MTUS2: variants seen among roughly 807,000 people sequenced by gnomAD.
MTUS2 encodes microtubule associated scaffold protein 2.
A neutral mutation model predicts 114.1 loss-of-function variants in MTUS2; 40 were observed. The ratio of observed to expected loss-of-function variants is 0.35; its 90% confidence interval spans 0.27 to 0.46. The LOEUF (loss-of-function observed/expected upper bound fraction) is 0.46, where lower values mean the gene tolerates loss of function less well. Among genes scored for constraint, MTUS2 ranks in the 20% least tolerant of loss-of-function variants. The pLI, the probability that MTUS2 is intolerant of heterozygous loss-of-function variation, is 1.00. For missense variants in MTUS2, 1,679 were observed against 1,705.4 expected, an observed-to-expected ratio of 0.98 and a Z score of 0.27; for synonymous variants, 688 against 672.0, an observed-to-expected ratio of 1.02 and a Z score of -0.37.
rs1883199811 is a variant in MTUS2, at chr13:29,505,774, C to T, written c.*2568C>T. ...GCCCCCCGACCGCCGCCCCTGCCCACCACATGCTGGGACAAGGTTCTGGCT... is the reference window on the plus strand; with the variant it reads ...GCCCCCCGACCGCCGCCCCTGCCCATCACATGCTGGGACAAGGTTCTGGCT... On this transcript the variant is annotated 3_prime_UTR_variant, in exon 16 of 16. Transcript: ENST00000612955. The T allele has an allele frequency of 4.4e-6, 1 of 229,628 alleles. No individual in the cohort carries two copies. Among genetic ancestry groups the T allele is most frequent in the Non-Finnish European group, 8.6e-6 (1 of 115,786 alleles). 14.2% of individuals were successfully genotyped at this position (229,628 alleles called of 1,614,324 possible). A position where few individuals can be genotyped will look rare whatever the true frequency, so the allele number is the denominator to read the frequency against.
At chr13:29,021,626 T>A (rs1052719920) in intron 2 of MTUS2, among the ~76,000 whole-genome samples, 3 of 152,226 alleles carry the variant, frequency 2.0e-5, no homozygotes, top group African/African-American at 7.2e-5. Context: ...AGTTCCCTTC[T>A]GTGGATGGCC....
chr13:29,007,615 C>A (rs562464750), intron 2 of MTUS2, among the ~76,000 whole-genome samples: 6 of 151,990 alleles, frequency 3.9e-5, no homozygotes, highest in Admixed American at 6.6e-5. Flanking sequence ...AAGACCAACC[C>A]CTCCTCTTTC....
At chr13:29,373,475 G>A (rs978890644) in intron 8 of MTUS2, among the ~76,000 whole-genome samples, 7 of 152,186 alleles carry the variant, frequency 4.6e-5, no homozygotes, top group South Asian at 2.1e-4. Context: ...AAGGAGGAAC[G>A]TGGGAAAATG....
intron 8 of MTUS2, among the ~76,000 whole-genome samples, chr13:29,377,248 G>A (rs1354452170): frequency 1.3e-5 from 2 of 152,114 alleles, no homozygotes; most frequent in African/African-American, 4.8e-5. Context: ...ATACCAACAG[G>A]ATCATCTTGA....
chr13:29,103,354 C>T (rs944816544), intron 5 of MTUS2, among the ~76,000 whole-genome samples: 5 of 152,180 alleles, frequency 3.3e-5, no homozygotes, highest in African/African-American at 1.2e-4. Context: ...GGCTCCTAGG[C>T]TGCAAACCTA....
At chr13:29,226,527 A>G (rs1277869153) in intron 5 of MTUS2, among the ~76,000 whole-genome samples, 1 of 152,164 alleles carries the variant, frequency 6.6e-6, no homozygotes, top group Admixed American at 6.5e-5. Flanking sequence ...TTGCACTCCC[A>G]AAACAGGACC....
chr13:29,483,307 G>A (rs377622718), intron 10 of MTUS2, among the ~76,000 whole-genome samples: 11 of 152,170 alleles, frequency 7.2e-5, no homozygotes, highest in African/African-American at 2.2e-4. Flanking sequence ...GGGACTCGCC[G>A]GCCGAGGCAG....
In MTUS2 at chr13:29,025,296, C is replaced by A. The variant is rs1365213420; in HGVS notation, c.598C>A (p.Leu200Ile). ...LTPQHPQPLS[L>I]DSREARGQIP... ...TCCGCAGCATCCACAGCCTCTATCCCTCGACTCCCGGGAAGCACGGGGTCA... is the reference window on the plus strand; with the variant it reads ...TCCGCAGCATCCACAGCCTCTATCCATCGACTCCCGGGAAGCACGGGGTCA... The change falls in exon 3 of 16, where the codon CTC becomes ATC. Residue 200 changes from leucine to isoleucine, a missense_variant. Leu to Ile is a conservative substitution (Grantham distance 5, BLOSUM62 2). Coordinates refer to ENST00000612955, the MANE Select transcript of MTUS2 (RefSeq NM_001033602.4). 1 of 1,613,958 alleles carries A rather than the reference C, an allele frequency of 6.2e-7. No individual in the cohort carries two copies. The highest frequency in any genetic ancestry group is 1.3e-5 in the African/African-American group (1 of 75,036).
intron 6 of MTUS2, among the ~76,000 whole-genome samples, chr13:29,282,331 A>G (rs1392752364): frequency 6.6e-6 from 1 of 152,216 alleles, no homozygotes; most frequent in East Asian, 1.9e-4. Context: ...GGATGGATCC[A>G]CTACTCCCAT....
chr13:29,448,996 C>T (rs1341593435), intron 9 of MTUS2, among the ~76,000 whole-genome samples: 4 of 151,950 alleles, frequency 2.6e-5, no homozygotes, highest in South Asian at 2.1e-4. Context: ...TCAAGTGATC[C>T]GCCCACCTCG....
intron 2 of MTUS2, among the ~76,000 whole-genome samples, chr13:28,877,306 A>G (rs1593264550): frequency 1.3e-5 from 2 of 148,516 alleles, no homozygotes; most frequent in Admixed American, 6.7e-5. Context: ...CGACAGACTG[A>G]GACTCCATCT....
chr13:29,013,965 A>AT (rs1885960332), intron 2 of MTUS2, among the ~76,000 whole-genome samples: 1 of 152,214 alleles, frequency 6.6e-6, no homozygotes, highest in African/African-American at 2.4e-5. Flanking sequence ...TATGTACGTC[A>AT]TATCATTTTC....
intron 1 of MTUS2, among the ~76,000 whole-genome samples, chr13:28,839,371 A>G (rs1368149519): frequency 1.3e-5 from 2 of 152,214 alleles, no homozygotes; most frequent in East Asian, 3.8e-4. Flanking sequence ...GATCTACAAA[A>G]TGGACGTGAT....
chr13:29,498,776 C>T (rs541715001), intron 14 of MTUS2, among the ~76,000 whole-genome samples: 24 of 152,330 alleles, frequency 1.6e-4, no homozygotes, highest in African/African-American at 5.5e-4. Context: ...CTTTCTGCTT[C>T]GCCCTGGTTT....
At chr13:29,057,384 T>C (rs963806151) in intron 4 of MTUS2, among the ~76,000 whole-genome samples, 18 of 152,154 alleles carry the variant, frequency 1.2e-4, no homozygotes, top group African/African-American at 4.1e-4. Context: ...TGTCTAATAC[T>C]ATTAGTGGGG....
At chr13:28,892,585 C>G (rs1878997417) in intron 2 of MTUS2, among the ~76,000 whole-genome samples, 1 of 152,160 alleles carries the variant, frequency 6.6e-6, no homozygotes, top group Admixed American at 6.5e-5. Context: ...GAAGATGACT[C>G]TGGGTTCATT....
rs186450100 is a variant in MTUS2, at chr13:29,044,861, G to T, written c.2446+10736G>T. 1.5e-4 allele frequency among the ~76,000 whole-genome samples: 23 copies of T among 152,260 alleles called. No homozygotes were observed. The East Asian group carries it at 4.1e-3, about 27-fold the overall frequency. On this transcript the variant is annotated intron_variant, in intron 4 of 15. Transcript: ENST00000612955. ...CTCTGGAGAAATATTTGCTTTTAAA[G>T]TCATTTAGGTTGTTGGTAGAGTCTA...
At chr13:29,070,025 T>G (rs1158312194) in intron 4 of MTUS2, among the ~76,000 whole-genome samples, 2 of 152,212 alleles carry the variant, frequency 1.3e-5, no homozygotes, top group East Asian at 3.9e-4. Flanking sequence ...AATCATGACT[T>G]CAAAGCATAG....
chr13:29,225,634 AT>A lies in MTUS2; in HGVS notation c.2645-56068del, dbSNP rs1896077641. Among the ~76,000 whole-genome samples, 4 of 152,358 alleles carry A rather than the reference AT, an allele frequency of 2.6e-5. No homozygotes were observed. In the South Asian group the frequency reaches 8.3e-4, roughly 32 times the overall value. ...GACAGGATTTAAATAGCTGAAATGA[AT>A]TCTCTTTAGTTTCCTTGTCGTAACA... On this transcript the variant is annotated intron_variant, in intron 5 of 15. Coordinates refer to ENST00000612955, the MANE Select transcript of MTUS2 (RefSeq NM_001033602.4).
Sources: allele counts gnomAD v4.1 joint callset (sites outside exome capture counted in the v4.1 genomes callset), GRCh38; gene constraint gnomAD v4.1.1; transcripts MANE v1.5; gene names NCBI Gene and HGNC (gene_info 2026-07-23, HGNC 2026-07-21).